FHIT: variants seen among roughly 807,000 people sequenced by gnomAD.
FHIT encodes the protein fragile histidine triad diadenosine triphosphatase.
FHIT carries 19 observed loss-of-function variants against 17.9 expected under a neutral mutation model. The observed-to-expected ratio is 1.06, with a 90% CI of 0.74 to 1.56. The LOEUF (loss-of-function observed/expected upper bound fraction) is 1.56. Among genes scored for constraint, FHIT ranks in the 40% most tolerant of loss-of-function variants. The pLI, the probability that FHIT is intolerant of heterozygous loss-of-function variation, is 0.00. For synonymous variants in FHIT, 81 were observed against 69.7 expected (o/e 1.16, Z -0.81); for missense variants, 248 against 189.2 (o/e 1.31, Z -1.82).
chr3:60,454,758 C>T (rs554822428), intron 5 of FHIT, among the ~76,000 whole-genome samples: 37 of 152,182 alleles, frequency 2.4e-4, no homozygotes, highest in African/African-American at 8.7e-4. Context: ...ATCTGGAGCC[C>T]TTTCTGGGCA....
intron 1 of FHIT, among the ~76,000 whole-genome samples, chr3:61,227,492 C>T (rs1408687729): frequency 6.6e-6 from 1 of 151,990 alleles, no homozygotes; most frequent in Non-Finnish European, 1.5e-5. Flanking sequence ...AGCAGTGAAA[C>T]TTGCAGCACA....
At chr3:60,189,980 G>A (rs1009775754) in intron 5 of FHIT, among the ~76,000 whole-genome samples, 31 of 152,258 alleles carry the variant, frequency 2.0e-4, no homozygotes, top group African/African-American at 7.2e-4. Context: ...TTTCCCTTAG[G>A]AACCCATCTG....
intron 1 of FHIT, among the ~76,000 whole-genome samples, chr3:61,202,935 C>T (rs993964700): frequency 6.6e-6 from 1 of 152,038 alleles, no homozygotes; most frequent in Non-Finnish European, 1.5e-5. Context: ...AATCCCAGCA[C>T]TTTGGGAGGC....
intron 1 of FHIT, among the ~76,000 whole-genome samples, chr3:61,234,832 T>C (rs868215729): frequency 3.3e-5 from 5 of 152,236 alleles, no homozygotes; most frequent in African/African-American, 1.2e-4. Flanking sequence ...AGAAACAATT[T>C]ATTTTTGTGT....
intron 5 of FHIT, among the ~76,000 whole-genome samples, chr3:60,244,602 A>C (rs1482451225): frequency 6.6e-6 from 1 of 152,096 alleles, no homozygotes; most frequent in Non-Finnish European, 1.5e-5. Context: ...AGAAGCCACA[A>C]AATTGTAAGG....
In FHIT at chr3:61,247,407, C is replaced by G. The variant is rs1162521119; in HGVS notation, c.-213+3894G>C. ...CCAGCTGGATGACAACTGCCTCACT[C>G]TAACCCTGAGCCTCCTGGGATAGGA... is the stretch of plus-strand genomic sequence containing the variant. On this transcript the variant is annotated intron_variant, in intron 1 of 9. Coordinates refer to ENST00000492590, the MANE Select transcript of FHIT (RefSeq NM_002012.4). 2.6e-5 allele frequency among the ~76,000 whole-genome samples: 4 copies of G among 152,214 alleles called. 1 individual carries two copies. The South Asian group carries it at 6.2e-4, about 24-fold the overall frequency.
chr3:60,451,126 G>A (rs189440072), intron 5 of FHIT, among the ~76,000 whole-genome samples: 100 of 151,930 alleles, frequency 6.6e-4, no homozygotes, highest in African/African-American at 2.4e-3. Context: ...AGCCCAATAT[G>A]TTTTTCTTAC....
chr3:60,231,991 A>G (rs1226130151), intron 5 of FHIT, among the ~76,000 whole-genome samples: 1 of 152,148 alleles, frequency 6.6e-6, no homozygotes, highest in Non-Finnish European at 1.5e-5. Flanking sequence ...TGGAGCAGAT[A>G]ACCATGAGCA....
intron 5 of FHIT, among the ~76,000 whole-genome samples, chr3:60,039,888 G>A (rs138010717): frequency 0.016 from 2,401 of 152,278 alleles, 60 homozygotes; most frequent in South Asian, 0.072. Flanking sequence ...TCTGTGAAAT[G>A]GAAGAAATTA....
At chr3:60,569,757 T>TATATATA in intron 4 of FHIT, among the ~76,000 whole-genome samples, 1 of 21,694 alleles carries the variant, frequency 4.6e-5, no homozygotes, top group African/African-American at 2.6e-4. Context: ...ATATATATAT[T>TATATATA]TTTTTTTTTT....
At chr3:60,636,140 G>C (rs782431922) in intron 4 of FHIT, among the ~76,000 whole-genome samples, 1 of 151,274 alleles carries the variant, frequency 6.6e-6, no homozygotes, top group Non-Finnish European at 1.5e-5. Context: ...TCTCAATCTC[G>C]GCTCACTGCA....
chr3:60,202,352 C>T (rs1702953975), intron 5 of FHIT, among the ~76,000 whole-genome samples: 1 of 152,146 alleles, frequency 6.6e-6, no homozygotes, highest in African/African-American at 2.4e-5. Context: ...CCTGCAGGGG[C>T]AAAGCAATGC....
intron 4 of FHIT, among the ~76,000 whole-genome samples, chr3:60,695,712 G>A (rs1276289621): frequency 6.6e-6 from 1 of 152,144 alleles, no homozygotes; most frequent in Non-Finnish European, 1.5e-5. Flanking sequence ...AAAGCATTCT[G>A]GGTAAGAACA....
chr3:59,856,292 C>G (rs772503750), intron 8 of FHIT, among the ~76,000 whole-genome samples: 2 of 152,094 alleles, frequency 1.3e-5, no homozygotes, highest in Non-Finnish European at 2.9e-5. Context: ...AGCCCTATGG[C>G]TATTAAATAA....
intron 4 of FHIT, among the ~76,000 whole-genome samples, chr3:60,555,630 G>C (rs926737547): frequency 6.6e-6 from 1 of 152,140 alleles, no homozygotes; most frequent in African/African-American, 2.4e-5. Flanking sequence ...CGCCATGAGA[G>C]GCACTCATCA....
chr3:59,843,932 C>G (rs767097660), intron 8 of FHIT, among the ~76,000 whole-genome samples: 5 of 152,084 alleles, frequency 3.3e-5, no homozygotes, highest in Non-Finnish European at 5.9e-5. Context: ...AAGCAGAACT[C>G]TAATGGCTTG....
chr3:60,735,733 T>A (rs2042121251), intron 4 of FHIT, among the ~76,000 whole-genome samples: 1 of 152,220 alleles, frequency 6.6e-6, no homozygotes, highest in African/African-American at 2.4e-5. Context: ...ACTTTATAGA[T>A]AGGCAAGCCA....
At chr3:60,520,777 C>A (rs1445255146) in intron 5 of FHIT, among the ~76,000 whole-genome samples, 1 of 151,992 alleles carries the variant, frequency 6.6e-6, no homozygotes, top group Non-Finnish European at 1.5e-5. Context: ...GAGAGTTGAG[C>A]ATCTAGACTC....
chr3:60,127,278 T>C (rs903783957), intron 5 of FHIT, among the ~76,000 whole-genome samples: 4 of 152,334 alleles, frequency 2.6e-5, no homozygotes, highest in Admixed American at 2.6e-4. Context: ...CTTTAGATAA[T>C]TGATTTCCAC....
Sources: allele counts gnomAD v4.1 joint callset (sites outside exome capture counted in the v4.1 genomes callset), GRCh38; gene constraint gnomAD v4.1.1; transcripts MANE v1.5; gene names NCBI Gene and HGNC (gene_info 2026-07-23, HGNC 2026-07-21).